ARAP2: variants seen among roughly 807,000 people sequenced by gnomAD.
The protein encoded by ARAP2 is arf-GAP with Rho-GAP domain, ANK repeat and PH domain-containing protein 2.
A neutral mutation model predicts 194.5 loss-of-function variants in ARAP2; 148 were observed. That is an observed-to-expected ratio of 0.76 (90% CI 0.67 to 0.87). The LOEUF is 0.87. ARAP2 is among the 40% of genes least tolerant of loss of function. The pLI, the probability that ARAP2 is intolerant of heterozygous loss-of-function variation, is 0.00. For synonymous variants in ARAP2, 695 were observed against 683.5 expected (o/e 1.02, Z -0.26); for missense variants, 2,128 against 1,989.7 (o/e 1.07, Z -1.32).
chr4:36,071,914 T>A lies in ARAP2; in HGVS notation c.4743+1775A>T, dbSNP rs1315821896. 2.0e-5 allele frequency among the ~76,000 whole-genome samples: 3 copies of A among 151,332 alleles called. No individual in the cohort carries two copies. In the South Asian group the frequency reaches 6.3e-4, roughly 32 times the overall value. On this transcript the variant is annotated intron_variant, in intron 32 of 32. Coordinates refer to ENST00000303965, the MANE Select transcript of ARAP2 (RefSeq NM_015230.4). Reference sequence around the variant, plus strand: ...CCCTTCCTGTGTCCATGTGATCTCATTGTTCAATTCCCACCTATGAGTGAG... The same window carrying A: ...CCCTTCCTGTGTCCATGTGATCTCAATGTTCAATTCCCACCTATGAGTGAG...
At chr4:36,017,564 T>TAAAAGAAAAAAAAAAAA (rs1716066778) in intron 6 of ARAP2, among the ~76,000 whole-genome samples, 1 of 42,578 alleles carries the variant, frequency 2.3e-5, no homozygotes, top group African/African-American at 1.2e-4. Flanking sequence ...AAGAAAGTGG[T>TAAAAGAAAAAAAAAAAA]AAAAAAAAAA....
exon 10 of ARAP2, chr4:36,006,953 T>C (rs1193220059): frequency 1.3e-5 from 2 of 151,952 alleles, no homozygotes; most frequent in East Asian, 3.9e-4. Flanking sequence ...GAGGCTGAGG[T>C]GGATGAGTAG....
At position 36,185,104 on chromosome 4, in the gene ARAP2, C is replaced by T. The variant is rs570002288; in HGVS notation, c.1678+2347G>A. On this transcript the variant is annotated intron_variant, in intron 8 of 32. Coordinates refer to ENST00000303965, the MANE Select transcript of ARAP2 (RefSeq NM_015230.4). ...TCTGTGCCACAACTACTCAGTGATA[C>T]CACTGAGTGTGAATGAATGAGAAAT... 2.0e-5 allele frequency among the ~76,000 whole-genome samples: 3 copies of T among 152,242 alleles called. No individual in the cohort carries two copies. In the East Asian group the frequency reaches 5.8e-4, roughly 29 times the overall value.
At chr4:36,196,421 AC>A (rs1353416946) in intron 6 of ARAP2, among the ~76,000 whole-genome samples, 5 of 152,186 alleles carry the variant, frequency 3.3e-5, no homozygotes, top group African/African-American at 9.7e-5. Flanking sequence ...CAAAGGACAC[AC>A]CCTACCACTG....
intron 2 of ARAP2, 27 bp downstream of exon 2, chr4:36,228,555 T>C (rs754021757): frequency 1.3e-6 from 2 of 1,534,970 alleles, no homozygotes. Flanking sequence ...AAATTGAATA[T>C]TTACAGCTTA....
downstream of ARAP2, chr4:36,065,419 C>G (rs558539779): frequency 6.0e-6 from 3 of 496,254 alleles, no homozygotes; most frequent in African/African-American, 5.9e-5. Flanking sequence ...GGGAAAAGAG[C>G]TCTGCATGCC....
At chr4:36,133,569 T>C (rs1414690719) in intron 19 of ARAP2, among the ~76,000 whole-genome samples, 180 bp from the exon 20 acceptor site, 2 of 151,774 alleles carry the variant, frequency 1.3e-5, no homozygotes, top group African/African-American at 2.4e-5. Context: ...CTCCATAGCA[T>C]TGAGGAAGCT....
chr4:36,185,978 CAA>C (rs1054588041), intron 8 of ARAP2, among the ~76,000 whole-genome samples: 5 of 135,102 alleles, frequency 3.7e-5, no homozygotes, highest in Non-Finnish European at 6.4e-5. Flanking sequence ...AACTCTGTCT[CAA>C]AAAAAAAAAA....
At chr4:36,021,598 C>T (rs1716955402) in intron 5 of ARAP2, among the ~76,000 whole-genome samples, 2 of 152,132 alleles carry the variant, frequency 1.3e-5, no homozygotes, top group African/African-American at 2.4e-5. Flanking sequence ...CAGAGGGCTC[C>T]CAAGAAGTGG....
chr4:36,114,243 T>C lies in ARAP2; in HGVS notation c.4083A>G (p.Leu1361=), dbSNP rs1427032220. 1.9e-6 allele frequency: 3 copies of C among 1,599,908 alleles called. No individual in the cohort carries two copies. Among genetic ancestry groups the C allele is most frequent in the Non-Finnish European group, 2.6e-6 (3 of 1,168,926 alleles). The change falls in exon 26 of 33, where the codon TTA becomes TTG. Residue 1361 remains leucine (L), a synonymous_variant. Transcript: ENST00000303965. ...TTGTAGGAATAATATTTTTTATCGC[T>C]AATATATCATTAGTTAATTCTTCTG... is the stretch of plus-strand genomic sequence containing the variant. ...MEAEELTNDI[L]AIKNIIPTKG...
At chr4:36,101,913 C>A (rs1461183069) in intron 27 of ARAP2, among the ~76,000 whole-genome samples, 1 of 152,028 alleles carries the variant, frequency 6.6e-6, no homozygotes, top group South Asian at 2.1e-4. Flanking sequence ...TTCTTGGTTT[C>A]ATGTATCATT....
chr4:36,114,087 T>C (rs1052484071), intron 26 of ARAP2, 83 bp downstream of exon 26: 2 of 981,956 alleles, frequency 2.0e-6, no homozygotes, highest in African/African-American at 3.3e-5. Context: ...TGTTAAGACA[T>C]AAAATGTTTA....
intron 11 of ARAP2, 77 bp from the exon 12 acceptor site, chr4:36,161,627 A>G (rs1037927480): frequency 8.2e-6 from 10 of 1,213,236 alleles, no homozygotes; most frequent in Middle Eastern, 1.9e-4. Flanking sequence ...AAGAAAGTGC[A>G]TATGTCTGTG....
intron 27 of ARAP2, among the ~76,000 whole-genome samples, chr4:36,095,780 C>T (rs1715001801): frequency 6.6e-6 from 1 of 152,060 alleles, no homozygotes; most frequent in Non-Finnish European, 1.5e-5. Flanking sequence ...GATACATATT[C>T]AACTGCTTAC....
chr4:36,120,320 A>C (rs1192399464), intron 23 of ARAP2, among the ~76,000 whole-genome samples: 1 of 151,578 alleles, frequency 6.6e-6, no homozygotes, highest in African/African-American at 2.4e-5. Context: ...TTCCTATGTA[A>C]ATTAAGATAC....
chr4:36,165,150 T>C (rs1734989167), intron 10 of ARAP2, 37 bp from the exon 11 acceptor site: 1 of 1,598,700 alleles, frequency 6.3e-7, no homozygotes, highest in African/African-American at 1.3e-5. Flanking sequence ...TCGATCTCCC[T>C]TGTAAAGGCC....
intron 1 of ARAP2, among the ~76,000 whole-genome samples, chr4:36,236,499 AATCAGAAACAC>A (rs1560741624): frequency 6.6e-6 from 1 of 152,224 alleles, no homozygotes; most frequent in East Asian, 1.9e-4. Context: ...ACCACTGAAA[AATCAGAAACAC>A]ATCCTTAGCA....
intron 8 of ARAP2, among the ~76,000 whole-genome samples, chr4:36,184,131 C>T (rs1488724887): frequency 6.6e-6 from 1 of 152,118 alleles, no homozygotes; most frequent in Non-Finnish European, 1.5e-5. Context: ...CATCTGTATA[C>T]ATAGAAGGAA....
intron 2 of ARAP2, among the ~76,000 whole-genome samples, chr4:36,224,345 T>C (rs7659075): frequency 0.56 from 84,594 of 150,556 alleles, 25,775 homozygotes; most frequent in African/African-American, 0.8. Context: ...TAACACTGCC[T>C]TGAGGTTTTC....
Sources: allele counts gnomAD v4.1 joint callset (sites outside exome capture counted in the v4.1 genomes callset), GRCh38; gene constraint gnomAD v4.1.1; transcripts MANE v1.5; gene names NCBI Gene and HGNC (gene_info 2026-07-23, HGNC 2026-07-21).